MPPED2: variants seen among roughly 807,000 people sequenced by gnomAD.
MPPED2 encodes the protein metallophosphoesterase domain containing 2, also known as metallophosphoesterase MPPED2.
A neutral mutation model predicts 33.0 loss-of-function variants in MPPED2; 5 were observed. The observed-to-expected ratio is 0.15, with a 90% CI of 0.08 to 0.32. The LOEUF (loss-of-function observed/expected upper bound fraction) is 0.32, where lower values mean the gene tolerates loss of function less well. MPPED2 is among the 10% of genes least tolerant of loss of function. MPPED2 has a pLI of 1.00. For missense variants in MPPED2, 275 were observed against 372.1 expected, an observed-to-expected ratio of 0.74 and a Z score of 2.15; for synonymous variants, 136 against 141.9, an observed-to-expected ratio of 0.96 and a Z score of 0.29.
chr11:30,459,126 C>T (rs997691671), intron 4 of MPPED2, among the ~76,000 whole-genome samples: 5 of 151,268 alleles, frequency 3.3e-5, no homozygotes, highest in African/African-American at 1.2e-4. Flanking sequence ...GGGGTTTCAC[C>T]GTTTTTTAGC....
intron 4 of MPPED2, among the ~76,000 whole-genome samples, chr11:30,426,872 G>A (rs1459412194): frequency 1.3e-5 from 2 of 152,070 alleles, no homozygotes; most frequent in African/African-American, 4.8e-5. Context: ...AGGTCCTTCC[G>A]TTTCCTCCTA....
intron 4 of MPPED2, among the ~76,000 whole-genome samples, chr11:30,481,094 A>G (rs1951465464): frequency 6.6e-6 from 1 of 152,164 alleles, no homozygotes; most frequent in South Asian, 2.1e-4. Context: ...TACTGTAGCT[A>G]AAAGAATGAT....
In MPPED2 at chr11:30,411,252, TC is replaced by T; in HGVS notation, c.*215del. The T allele has an allele frequency of 1.2e-5, 14 of 1,189,244 alleles. No homozygotes were observed. The highest frequency in any genetic ancestry group is 1.5e-5 in the Non-Finnish European group (14 of 957,318). 73.7% of individuals were successfully genotyped at this position (1,189,244 alleles called of 1,614,324 possible). On this transcript the variant is annotated 3_prime_UTR_variant, in exon 7 of 7. Transcript: ENST00000358117. The stretch of plus-strand genomic sequence containing the variant: ...GGCATGGCCTTTGAGAAAACAGAAG[TC>T]ATTTTACAAATTCACAATGTTCCTC...
At chr11:30,507,060 A>G (rs752541771) in intron 3 of MPPED2, among the ~76,000 whole-genome samples, 34 of 152,222 alleles carry the variant, frequency 2.2e-4, no homozygotes, top group Non-Finnish European at 2.2e-4. Context: ...TCAAAATCTA[A>G]TAAGAAAAAG....
intron 2 of MPPED2, among the ~76,000 whole-genome samples, chr11:30,543,755 T>C (rs1276281956): frequency 6.7e-6 from 1 of 149,964 alleles, no homozygotes; most frequent in African/African-American, 2.4e-5. Flanking sequence ...TGACAGAATA[T>C]GTGATTGAAC....
At chr11:30,510,968 C>T (rs747520109) in intron 3 of MPPED2, among the ~76,000 whole-genome samples, 56 of 152,278 alleles carry the variant, frequency 3.7e-4, no homozygotes, top group Middle Eastern at 3.4e-3. Context: ...CACTTTCAAC[C>T]CCACATTCTC....
At chr11:30,391,577 G>A (rs1947776601) in intron 6 of MPPED2, among the ~76,000 whole-genome samples, 1 of 152,126 alleles carries the variant, frequency 6.6e-6, no homozygotes, top group Non-Finnish European at 1.5e-5. Flanking sequence ...CTGTAAAATG[G>A]AATGATTGTG....
At chr11:30,409,035 A>G (rs556182029), downstream of MPPED2, among the ~76,000 whole-genome samples, 153 of 152,294 alleles carry the variant, frequency 1.0e-3, no homozygotes, top group Non-Finnish European at 1.8e-3. Context: ...GTTTTAGTAC[A>G]CTGGGTAGCT....
intron 4 of MPPED2, among the ~76,000 whole-genome samples, chr11:30,428,029 G>C (rs888952902): frequency 6.6e-6 from 1 of 152,154 alleles, no homozygotes; most frequent in African/African-American, 2.4e-5. Context: ...TATTAAGGGG[G>C]TAGGGAAATT....
At chr11:30,540,671 C>T (rs890174474) in intron 2 of MPPED2, among the ~76,000 whole-genome samples, 8 of 152,108 alleles carry the variant, frequency 5.3e-5, no homozygotes, top group African/African-American at 1.9e-4. Flanking sequence ...AAAGAAATCA[C>T]ATACACAACA....
intron 4 of MPPED2, among the ~76,000 whole-genome samples, chr11:30,437,545 C>T (rs768288398): frequency 1.2e-4 from 19 of 152,144 alleles, no homozygotes; most frequent in Non-Finnish European, 2.5e-4. Context: ...GTCACCTAGG[C>T]ATGACTCTGA....
chr11:30,453,601 T>C (rs1193618714), intron 4 of MPPED2, among the ~76,000 whole-genome samples: 2 of 152,196 alleles, frequency 1.3e-5, no homozygotes, highest in African/African-American at 4.8e-5. Context: ...TCCTTAGACA[T>C]TGGGGAAATA....
rs150560345 is a variant in MPPED2, at chr11:30,568,291, A to G, written c.128+11955T>C. Among the ~76,000 whole-genome samples the G allele has an allele frequency of 3.6e-3, 550 of 152,230 alleles. 1 individual carries two copies. Among genetic ancestry groups the G allele is most frequent in the African/African-American group, 0.011 (441 of 41,552 alleles). ...TTCTCAAATGACTTCATTTTTAAAT[A>G]TGTTAATGGTGCCCAGATTTCTGCT... On this transcript the variant is annotated intron_variant, in intron 2 of 6. Coordinates refer to ENST00000358117, the MANE Select transcript of MPPED2 (RefSeq NM_001584.3).
At chr11:30,497,344 C>T (rs188109598) in intron 3 of MPPED2, among the ~76,000 whole-genome samples, 56 of 152,310 alleles carry the variant, frequency 3.7e-4, no homozygotes, top group Admixed American at 3.7e-3. Context: ...TATCATGGCT[C>T]TGTGACCCTA....
intron 3 of MPPED2, among the ~76,000 whole-genome samples, chr11:30,507,916 C>T (rs971944692): frequency 2.0e-5 from 3 of 152,164 alleles, no homozygotes; most frequent in African/African-American, 7.2e-5. Flanking sequence ...CATCATGGCC[C>T]TTGGTACCCA....
intron 6 of MPPED2, among the ~76,000 whole-genome samples, chr11:30,394,013 C>T (rs1029950995): frequency 4.6e-5 from 7 of 152,172 alleles, no homozygotes; most frequent in African/African-American, 1.4e-4. Context: ...TTCAGAATAT[C>T]ATACAAGTGG....
intron 2 of MPPED2, among the ~76,000 whole-genome samples, chr11:30,563,052 G>A (rs539732739): frequency 3.3e-5 from 5 of 152,012 alleles, no homozygotes; most frequent in Admixed American, 2.0e-4. Context: ...GGGATAAAAC[G>A]AGAAGCAAAA....
Position 30,411,506 on chromosome 11 carries a change from G to A in MPPED2, c.847C>T (p.Pro283Ser), listed in dbSNP as rs770925333. 6.2e-6 allele frequency: 10 copies of A among 1,614,004 alleles called. No individual in the cohort carries two copies. Among genetic ancestry groups the A allele is most frequent in the Middle Eastern group, 3.3e-4 (2 of 6,062 alleles). Residue 283 changes from proline (P) to serine (S), a missense_variant, in exon 7 of 7, where the codon CCA (proline) becomes TCA (serine). Transcript: ENST00000358117. ...CTVSFQPTNP[P>S]IIFDLPNPQG... ...GGGTTTGGAAGGTCAAATATAATTG[G>A]AGGGTTGGTCGGTTGAAAGCTGACT...
At chr11:30,467,495 G>A (rs1482351169) in intron 4 of MPPED2, among the ~76,000 whole-genome samples, 2 of 152,106 alleles carry the variant, frequency 1.3e-5, no homozygotes, top group Admixed American at 6.5e-5. Context: ...TAAGGGCCCA[G>A]TACCTGATGG....
Sources: gnomAD v4.1 joint callset for allele counts (sites outside exome capture counted in the v4.1 genomes callset) on GRCh38, gnomAD v4.1.1 for gene constraint, MANE v1.5 for transcripts, NCBI Gene and HGNC (gene_info 2026-07-23, HGNC 2026-07-21) for gene names.